Variants in UNKL observed in about 807,000 individuals in gnomAD.
The protein encoded by UNKL is putative E3 ubiquitin-protein ligase UNKL.
Under a neutral mutation model 78.0 loss-of-function variants are expected in UNKL, and 60 were observed. That is an observed-to-expected ratio of 0.77 (90% confidence interval 0.63 to 0.95). UNKL has a LOEUF of 0.95. Ranked by LOEUF, UNKL falls within the 40% of genes least tolerant of loss-of-function variation. The pLI is 0.00. For missense variants in UNKL, 1,159 were observed against 1,045.7 expected (o/e 1.11, Z -1.49); for synonymous variants, 608 against 474.8 (o/e 1.28, Z -3.65).
Position 1,365,581 on chromosome 16 carries a change from C to CT in UNKL, c.*658_*659insA, listed in dbSNP as rs1293697795. On this transcript the variant is annotated 3_prime_UTR_variant, in exon 15 of 15. Transcript: ENST00000389221. ...TCCTTCCATCAAGTTAAAAACATCT[C>CT]AATCCATAATCACTCTGCTTATAAA... The CT allele has an allele frequency of 6.6e-6, 1 of 152,618 alleles. No homozygotes were observed. The highest frequency in any genetic ancestry group is 1.5e-5 in the Non-Finnish European group (1 of 68,042). The allele number at this position is 152,618 out of a possible 1,614,324, so 9.5% of individuals were successfully genotyped here. A position where few individuals can be genotyped will look rare whatever the true frequency, so the allele number is the denominator to read the frequency against.
Position 1,390,020 on chromosome 16 carries a change from A to G in UNKL, c.1086+612T>C, listed in dbSNP as rs112005629. Among the ~76,000 whole-genome samples, 256 of 152,264 alleles carry G rather than the reference A, an allele frequency of 1.7e-3. 3 individuals carry two copies. The highest frequency in any genetic ancestry group is 5.3e-3 in the African/African-American group (222 of 41,566). ...CATTCATTCAGAGACAGAGTCTCAC[A>G]GTGTCACCCAGGATGCAGTGCAGTG... On this transcript the variant is annotated intron_variant, in intron 9 of 14. Coordinates refer to ENST00000389221, the MANE Select transcript of UNKL (RefSeq NM_001372107.1).
At chr16:1,371,889 G>T (rs2035872222) in intron 10 of UNKL, among the ~76,000 whole-genome samples, 1 of 152,206 alleles carries the variant, frequency 6.6e-6, no homozygotes, top group South Asian at 2.1e-4. Flanking sequence ...CTGACACGCT[G>T]CTGCTGCCCC....
chr16:1,368,608 CAA>C (rs757374554), intron 12 of UNKL, among the ~76,000 whole-genome samples: 3,243 of 41,626 alleles, frequency 0.078, 11 homozygotes, highest in African/African-American at 0.21. Context: ...GACTCCGTCT[CAA>C]AAAAAAAAAA....
At chr16:1,375,252 G>C (rs1444622312) in intron 10 of UNKL, among the ~76,000 whole-genome samples, 1 of 152,244 alleles carries the variant, frequency 6.6e-6, no homozygotes, top group Non-Finnish European at 1.5e-5. Flanking sequence ...CCCCGAATCT[G>C]GCCGCGCTCA....
Position 1,414,569 on chromosome 16 carries a change from C to T in UNKL, c.77+46G>A, listed in dbSNP as rs367746232. On this transcript the variant is annotated intron_variant, in intron 1 of 14. Coordinates refer to ENST00000389221, the MANE Select transcript of UNKL (RefSeq NM_001372107.1). ...GCGAGCCCCGGCGGGAGGCTCCGAGCTGCACCGGGCGCGGGCGGGGGGCCG... is the reference window on the plus strand; with the variant it reads ...GCGAGCCCCGGCGGGAGGCTCCGAGTTGCACCGGGCGCGGGCGGGGGGCCG... 1,458 of 915,188 alleles carry T rather than the reference C, an allele frequency of 1.6e-3. 19 individuals carry two copies. In the African/African-American group the frequency reaches 0.024, roughly 15 times the overall value. 56.7% of individuals were successfully genotyped at this position (915,188 alleles called of 1,614,324 possible). A position where few individuals can be genotyped will look rare whatever the true frequency, so the allele number is the denominator to read the frequency against.
intron 9 of UNKL, among the ~76,000 whole-genome samples, chr16:1,385,897 G>A (rs926748774): frequency 3.9e-5 from 6 of 152,250 alleles, no homozygotes; most frequent in Non-Finnish European, 8.8e-5. Flanking sequence ...CCATAGCGTG[G>A]TCCTGTGACC....
chr16:1,385,631 T>C (rs1231466881), intron 9 of UNKL, among the ~76,000 whole-genome samples: 1 of 152,214 alleles, frequency 6.6e-6, no homozygotes, highest in Non-Finnish European at 1.5e-5. Flanking sequence ...CTCGTGAGCT[T>C]TTCTGCAGAA....
chr16:1,374,568 C>T (rs1258798802), intron 10 of UNKL, among the ~76,000 whole-genome samples: 1 of 152,172 alleles, frequency 6.6e-6, no homozygotes, highest in Non-Finnish European at 1.5e-5. Flanking sequence ...GCCTGGTGCT[C>T]GGTTCAGACA....
intron 4 of UNKL, 45 bp downstream of exon 4, chr16:1,401,523 G>GGGCGGC: frequency 6.8e-7 from 1 of 1,470,332 alleles, no homozygotes; most frequent in Non-Finnish European, 9.1e-7. Flanking sequence ...CTCGCGCTGT[G>GGGCGGC]CCCGCCCCCC....
In UNKL at chr16:1,363,315, T is replaced by C. The variant is rs7192408; in HGVS notation, c.*2925A>G. 2,963 of 560,480 alleles carry C rather than the reference T, an allele frequency of 5.3e-3. 71 individuals carry two copies. Among genetic ancestry groups the C allele is most frequent in the African/African-American group, 0.048 (2,527 of 53,050 alleles). The allele number at this position is 560,480 out of a possible 1,614,324, so 34.7% of individuals were successfully genotyped here. On this transcript the variant is annotated 3_prime_UTR_variant, in exon 15 of 15. Transcript: ENST00000389221. ...AAAAAATTTAAACAAGTGTTAACTT[T>C]AAACAGTTCGCTACAAGTAAATGAT...
At position 1,375,002 on chromosome 16, in the gene UNKL, C is replaced by T. The variant is rs566609017; in HGVS notation, c.1265-3391G>A. Among the ~76,000 whole-genome samples the T allele has an allele frequency of 1.3e-3, 205 of 152,326 alleles. 1 individual carries two copies. Among genetic ancestry groups the T allele is most frequent in the Non-Finnish European group, 1.4e-3 (96 of 68,018 alleles). On this transcript the variant is annotated intron_variant, in intron 10 of 14. Coordinates refer to ENST00000389221, the MANE Select transcript of UNKL (RefSeq NM_001372107.1). ...CGTGGCCTGCACCTCACCCCTCTGC[C>T]CAGGCCTCCGCTTCTCCTCCCTGGA... is the stretch of plus-strand genomic sequence containing the variant.
rs2036520685 is a variant in UNKL, at chr16:1,379,736, G to A, written c.1264+5472C>T. 10 of 954,532 alleles carry A rather than the reference G, an allele frequency of 1.0e-5. 1 individual carries two copies. The South Asian group carries it at 4.4e-4, about 42-fold the overall frequency. The allele number at this position is 954,532 out of a possible 1,614,324, so 59.1% of individuals were successfully genotyped here. A position where few individuals can be genotyped will look rare whatever the true frequency, so the allele number is the denominator to read the frequency against. ...CTGGCCCCGCCCCGCAACGTGACTC[G>A]GCCCCGCCCCCGTCGCACTGGCCAC... On this transcript the variant is annotated intron_variant, in intron 10 of 14. Coordinates refer to ENST00000389221, the MANE Select transcript of UNKL (RefSeq NM_001372107.1).
chr16:1,388,420 C>A lies in UNKL; in HGVS notation c.1086+2212G>T, dbSNP rs531090990. ...CTTCCCGCCTGTCTGCAGGAGGGGA[C>A]TCCACCCCGGAGGCCTTCCCCAGCC... On this transcript the variant is annotated intron_variant, in intron 9 of 14. Coordinates refer to ENST00000389221, the MANE Select transcript of UNKL (RefSeq NM_001372107.1). Among the ~76,000 whole-genome samples, 3 of 152,260 alleles carry A rather than the reference C, an allele frequency of 2.0e-5. No homozygotes were observed. The East Asian group carries it at 5.8e-4, about 29-fold the overall frequency.
intron 10 of UNKL, chr16:1,379,295 CCTGCCCTCTCCTGCCCCGCTCCG>C (rs1228175381): frequency 9.5e-6 from 2 of 210,778 alleles, no homozygotes; most frequent in African/African-American, 4.7e-5. Flanking sequence ...GCCCCGTTCC[CCTGCCCTCTCCTGCCCCGCTCCG>C]CTCCGCTCTC....
chr16:1,369,060 T>C lies in UNKL; in HGVS notation c.1585+1070A>G, dbSNP rs1222160984. Among the ~76,000 whole-genome samples, 17 of 118,630 alleles carry C rather than the reference T, an allele frequency of 1.4e-4. No homozygotes were observed. In the South Asian group the frequency reaches 5.2e-3, roughly 36 times the overall value. The allele number at this position is 118,630 out of a possible 152,430, so 77.8% of individuals were successfully genotyped here. A position where few individuals can be genotyped will look rare whatever the true frequency, so the allele number is the denominator to read the frequency against. ...TATGTTGGCCCAAAGTATTAGTTTT[T>C]TTTTTTTTTTTTTTTTTTTTTTTGA... On this transcript the variant is annotated intron_variant, in intron 12 of 14. Transcript: ENST00000389221.
rs549149015 is a variant in UNKL, at chr16:1,363,643, G to A, written c.*2597C>T. Reference sequence around the variant, plus strand: ...GGCGCGCCTCCACCTCAGCCTCCACGGGGCACCTTCCAGCCACTGCTGTGC... The same window carrying A: ...GGCGCGCCTCCACCTCAGCCTCCACAGGGCACCTTCCAGCCACTGCTGTGC... On this transcript the variant is annotated 3_prime_UTR_variant, in exon 15 of 15. Coordinates refer to ENST00000389221, the MANE Select transcript of UNKL (RefSeq NM_001372107.1). The A allele has an allele frequency of 3.1e-4, 59 of 190,878 alleles. No homozygotes were observed. The highest frequency in any genetic ancestry group is 5.5e-4 in the Non-Finnish European group (50 of 90,864). The allele number at this position is 190,878 out of a possible 1,614,324, so 11.8% of individuals were successfully genotyped here. A position where few individuals can be genotyped will look rare whatever the true frequency, so the allele number is the denominator to read the frequency against.
intron 6 of UNKL, chr16:1,394,527 G>A (rs1312426205): frequency 3.6e-6 from 2 of 552,384 alleles, no homozygotes; most frequent in Admixed American, 2.2e-5. Context: ...AGTCTGGTAT[G>A]CAGCAGGTGC....
intron 2 of UNKL, 22 bp downstream of exon 2, chr16:1,413,824 G>A (rs1444958057): frequency 2.0e-6 from 3 of 1,501,944 alleles, no homozygotes; most frequent in Admixed American, 2.2e-5. Flanking sequence ...CCAGGCAGCG[G>A]CGCCCCCTCG....
chr16:1,370,152 T>A lies in UNKL; in HGVS notation c.1563A>T (p.Ala521=). ...LRSEPGTLGS[A]ASSYSPLGLN... ...CACCTAGGGGGCTGTAGGATGAGGC[T>A]GCAGAGCCCAGTGTGCCCGGCTCTG... Residue 521 remains alanine (A), a synonymous_variant, in exon 12 of 15, where the codon GCA becomes GCT. Transcript: ENST00000389221. The A allele has an allele frequency of 6.6e-7, 1 of 1,518,426 alleles. No homozygotes were observed. The highest frequency in any genetic ancestry group is 1.2e-5 in the South Asian group (1 of 80,498). The allele number at this position is 1,518,426 out of a possible 1,614,324, so 94.1% of individuals were successfully genotyped here. A position where few individuals can be genotyped will look rare whatever the true frequency, so the allele number is the denominator to read the frequency against.
Sources: gnomAD v4.1 joint callset for allele counts (sites outside exome capture counted in the v4.1 genomes callset) on GRCh38, gnomAD v4.1.1 for gene constraint, MANE v1.5 for transcripts, NCBI Gene and HGNC (gene_info 2026-07-23, HGNC 2026-07-21) for gene names.